CTNND2: variants seen among roughly 807,000 people sequenced by gnomAD.
The protein encoded by CTNND2 is catenin delta 2, also known as catenin delta-2.
A neutral mutation model predicts 144.4 loss-of-function variants in CTNND2; 22 were observed. The observed-to-expected ratio is 0.15, with a 90% confidence interval of 0.11 to 0.22. The LOEUF is 0.22. Ranked by LOEUF, CTNND2 falls within the 10% of genes least tolerant of loss-of-function variation. The pLI, the probability that CTNND2 is intolerant of heterozygous loss-of-function variation, is 1.00. For missense variants in CTNND2, 1,353 were observed against 1,618.8 expected (o/e 0.84, Z 2.82); for synonymous variants, 751 against 695.6 (o/e 1.08, Z -1.25).
At chr5:11,867,584 A>C (rs1795831523) in intron 1 of CTNND2, among the ~76,000 whole-genome samples, 1 of 152,170 alleles carries the variant, frequency 6.6e-6, no homozygotes, top group African/African-American at 2.4e-5. Flanking sequence ...TAGACCAGAA[A>C]GTAACTCAAA....
At chr5:11,685,158 T>C (rs34537357) in intron 2 of CTNND2, among the ~76,000 whole-genome samples, 20,381 of 152,170 alleles carry the variant, frequency 0.13, 1,512 homozygotes, top group African/African-American at 0.19. Flanking sequence ...CAGTACTATG[T>C]TGACCCTAAG....
At chr5:11,378,081 T>C (rs530597508) in intron 7 of CTNND2, among the ~76,000 whole-genome samples, 25 of 152,184 alleles carry the variant, frequency 1.6e-4, no homozygotes, top group African/African-American at 6.0e-4. Flanking sequence ...CACTGAGATA[T>C]GGATTCCCTA....
intron 9 of CTNND2, among the ~76,000 whole-genome samples, chr5:11,328,396 T>C (rs1752751254): frequency 6.6e-6 from 1 of 151,670 alleles, no homozygotes; most frequent in Admixed American, 6.6e-5. Flanking sequence ...CAGGTTCAGG[T>C]GATCCTCCTA....
At chr5:11,394,336 T>G (rs946936171) in intron 6 of CTNND2, among the ~76,000 whole-genome samples, 4 of 152,220 alleles carry the variant, frequency 2.6e-5, no homozygotes, top group African/African-American at 9.6e-5. Context: ...AATTGGCACA[T>G]GATAAACATC....
chr5:11,874,994 AT>A (rs1735450832), intron 1 of CTNND2, among the ~76,000 whole-genome samples: 2 of 152,188 alleles, frequency 1.3e-5, no homozygotes, highest in Admixed American at 6.5e-5. Flanking sequence ...AAATACATAA[AT>A]AATCTAATCA....
Position 11,121,396 on chromosome 5 carries a change from C to A in CTNND2, c.2160-3829G>T, listed in dbSNP as rs548591149. ...GGTTAGAAATGGGTATGGAAAAATT[C>A]TATGCATAAACATAGTATTAAATAC... On this transcript the variant is annotated intron_variant, in intron 12 of 21. Coordinates refer to ENST00000304623, the MANE Select transcript of CTNND2 (RefSeq NM_001332.4). Among the ~76,000 whole-genome samples the A allele has an allele frequency of 2.6e-5, 4 of 152,218 alleles. No individual in the cohort carries two copies. The South Asian group carries it at 8.3e-4, about 32-fold the overall frequency.
intron 11 of CTNND2, among the ~76,000 whole-genome samples, chr5:11,164,367 TTAAAA>T (rs1469310324): frequency 6.6e-6 from 1 of 152,186 alleles, no homozygotes; most frequent in East Asian, 1.9e-4. Context: ...CCTGTTATGC[TTAAAA>T]TAAAATTAAA....
At chr5:11,650,882 T>C (rs1240942229) in intron 2 of CTNND2, among the ~76,000 whole-genome samples, 2 of 152,196 alleles carry the variant, frequency 1.3e-5, no homozygotes, top group Non-Finnish European at 2.9e-5. Flanking sequence ...GATCTGAAAC[T>C]GGAACTTATA....
intron 20 of CTNND2, 34 bp from the exon 21 acceptor site, chr5:10,981,880 G>T (rs754236397): frequency 5.1e-6 from 8 of 1,556,144 alleles, no homozygotes; most frequent in Non-Finnish European, 7.1e-6. Flanking sequence ...GTTTAGCAAA[G>T]AAAACAACAT....
chr5:11,464,596 T>C (rs1448165669), intron 3 of CTNND2, among the ~76,000 whole-genome samples: 10 of 152,156 alleles, frequency 6.6e-5, no homozygotes, highest in Non-Finnish European at 1.0e-4. Flanking sequence ...ATCAGACTTG[T>C]GTTTTTAATT....
intron 2 of CTNND2, among the ~76,000 whole-genome samples, chr5:11,674,337 T>C (rs980893029): frequency 2.2e-4 from 34 of 152,328 alleles, no homozygotes; most frequent in African/African-American, 7.9e-4. Flanking sequence ...TTTTCACATA[T>C]GCATATATTT....
At chr5:11,754,303 G>A (rs1401852851) in intron 1 of CTNND2, among the ~76,000 whole-genome samples, 1 of 151,196 alleles carries the variant, frequency 6.6e-6, no homozygotes, top group African/African-American at 2.4e-5. Context: ...TTTTTTATGT[G>A]GGCATATAGT....
At chr5:11,451,483 T>C (rs1024046577) in intron 3 of CTNND2, among the ~76,000 whole-genome samples, 1 of 152,138 alleles carries the variant, frequency 6.6e-6, no homozygotes, top group African/African-American at 2.4e-5. Flanking sequence ...AAATCTGAAA[T>C]GCTCTAAAAT....
At chr5:11,145,681 C>T (rs1052470717) in intron 12 of CTNND2, among the ~76,000 whole-genome samples, 3 of 152,124 alleles carry the variant, frequency 2.0e-5, no homozygotes, top group African/African-American at 7.2e-5. Context: ...CTCTCTCCAC[C>T]CTGTGGGAAT....
At chr5:11,230,848 G>C (rs930556954) in intron 10 of CTNND2, among the ~76,000 whole-genome samples, 4 of 152,178 alleles carry the variant, frequency 2.6e-5, no homozygotes, top group African/African-American at 9.7e-5. Flanking sequence ...CCCTGGATCA[G>C]AGAACTCAGT....
At chr5:11,800,725 TA>T (rs1168924543) in intron 1 of CTNND2, among the ~76,000 whole-genome samples, 3 of 152,326 alleles carry the variant, frequency 2.0e-5, no homozygotes, top group African/African-American at 7.2e-5. Flanking sequence ...CAGTTTCTTT[TA>T]GTAGAATAAC....
At chr5:11,089,792 T>C (rs900255906) in intron 15 of CTNND2, among the ~76,000 whole-genome samples, 1 of 152,162 alleles carries the variant, frequency 6.6e-6, no homozygotes, top group African/African-American at 2.4e-5. Context: ...GGCGGATCAC[T>C]TGAGGCCAGG....
intron 10 of CTNND2, among the ~76,000 whole-genome samples, chr5:11,209,519 A>C (rs774267316): frequency 6.6e-6 from 1 of 152,242 alleles, no homozygotes; most frequent in African/African-American, 2.4e-5. Context: ...TTAAGAACTA[A>C]ATGAACCAAA....
At chr5:11,070,959 C>T (rs780673205) in intron 16 of CTNND2, among the ~76,000 whole-genome samples, 7 of 142,486 alleles carry the variant, frequency 4.9e-5, no homozygotes, top group African/African-American at 1.6e-4. Flanking sequence ...AGGAGGAGTG[C>T]GTAGGGGAGG....
Sources: allele counts gnomAD v4.1 joint callset (sites outside exome capture counted in the v4.1 genomes callset), GRCh38; gene constraint gnomAD v4.1.1; transcripts MANE v1.5; gene names NCBI Gene and HGNC (gene_info 2026-07-23, HGNC 2026-07-21).